Variants in TRIM14 observed in about 807,000 individuals in gnomAD.
TRIM14 encodes the protein tripartite motif-containing protein 14.
In TRIM14, 28 loss-of-function variants were observed where a neutral mutation model predicts 44.5. The observed-to-expected ratio is 0.63, with a 90% CI of 0.47 to 0.86. The LOEUF (loss-of-function observed/expected upper bound fraction) is 0.86, where lower values mean the gene tolerates loss of function less well. TRIM14 is among the 40% of genes least tolerant of loss of function. TRIM14 has a pLI of 0.00. For synonymous variants in TRIM14, 299 were observed against 269.2 expected (o/e 1.11, Z -1.08); for missense variants, 607 against 611.1 (o/e 0.99, Z 0.07).
Position 98,085,232 on chromosome 9 carries a change from A to G in TRIM14, c.*2238T>C, listed in dbSNP as rs1174224050. 3 of 151,956 alleles carry G rather than the reference A, an allele frequency of 2.0e-5. No individual in the cohort carries two copies. Among genetic ancestry groups the G allele is most frequent in the African/African-American group, 7.3e-5 (3 of 41,306 alleles). 9.4% of individuals were successfully genotyped at this position (151,956 alleles called of 1,614,324 possible). A position where few individuals can be genotyped will look rare whatever the true frequency, so the allele number is the denominator to read the frequency against. On this transcript the variant is annotated 3_prime_UTR_variant, in exon 6 of 6. Transcript: ENST00000341469. ...CACGAGAGGGGCCAGAGCACCAGGCACTGGCCAGAGACCAGCTGCATTCAC... is the reference window on the plus strand; with the variant it reads ...CACGAGAGGGGCCAGAGCACCAGGCGCTGGCCAGAGACCAGCTGCATTCAC...
intron 2 of TRIM14, 134 bp from the exon 3 acceptor site, chr9:98,100,298 A>G: frequency 1.4e-6 from 1 of 732,550 alleles, no homozygotes; most frequent in Non-Finnish European, 2.3e-6. Flanking sequence ...ATCAACTTAT[A>G]AAAACCAAAG....
At chr9:98,098,464 C>A (rs1023845822) in intron 3 of TRIM14, among the ~76,000 whole-genome samples, 6 of 152,130 alleles carry the variant, frequency 3.9e-5, no homozygotes, top group Non-Finnish European at 8.8e-5. Flanking sequence ...GTAATCCCAG[C>A]ACTTTGAGGG....
At chr9:98,036,875 G>C in the TRIM14 span, among the ~76,000 whole-genome samples, 2 of 152,210 alleles carry the variant, frequency 1.3e-5, no homozygotes, top group African/African-American at 4.8e-5. Context: ...TCCATGCCCT[G>C]ATCCCCTGGC....
chr9:98,112,754 C>T lies in TRIM14; in HGVS notation c.208-2770G>A, dbSNP rs189095079. ...TGGAGGTTGCAGTGAGCAGAGATTG[C>T]GCCATTGCACTCCAGCCTGAGTGAC... is the stretch of plus-strand genomic sequence containing the variant. On this transcript the variant is annotated intron_variant, in intron 1 of 5. Coordinates refer to ENST00000341469, the MANE Select transcript of TRIM14 (RefSeq NM_014788.4). 5.2e-3 allele frequency among the ~76,000 whole-genome samples: 719 copies of T among 138,960 alleles called. 4 individuals are homozygous for T. Among genetic ancestry groups the T allele is most frequent in the African/African-American group, 0.018 (668 of 36,586 alleles). The allele number at this position is 138,960 out of a possible 152,430, so 91.2% of individuals were successfully genotyped here.
chr9:98,066,163 C>T (rs1157116559), downstream of TRIM14, among the ~76,000 whole-genome samples: 1 of 152,132 alleles, frequency 6.6e-6, no homozygotes, highest in African/African-American at 2.4e-5. Context: ...GTTATGTGTG[C>T]ATTTCATTGC....
chr9:98,093,321 G>A (rs770233684), intron 4 of TRIM14, among the ~76,000 whole-genome samples: 15 of 152,130 alleles, frequency 9.9e-5, no homozygotes, highest in Admixed American at 5.2e-4. Context: ...TCCCCCAGAC[G>A]TAACAGCAGC....
At chr9:98,054,238 A>G in the TRIM14 span, among the ~76,000 whole-genome samples, 65 of 152,242 alleles carry the variant, frequency 4.3e-4, no homozygotes, top group African/African-American at 1.5e-3. Context: ...GATCCCCTCC[A>G]CATATACAAA....
chr9:98,097,307 T>C (rs960088475), intron 3 of TRIM14, among the ~76,000 whole-genome samples: 1 of 152,110 alleles, frequency 6.6e-6, no homozygotes, highest in African/African-American at 2.4e-5. Context: ...CAGCTGTGTC[T>C]CTCAATCCCC....
At chr9:98,048,634 G>A in the TRIM14 span, among the ~76,000 whole-genome samples, 1 of 152,328 alleles carries the variant, frequency 6.6e-6, no homozygotes, top group East Asian at 1.9e-4. Context: ...GTAAAATAAA[G>A]ATATTTAGTC....
chr9:98,070,488 T>A (rs2131635464), intron 6 of TRIM14, among the ~76,000 whole-genome samples: 1 of 152,230 alleles, frequency 6.6e-6, no homozygotes, highest in East Asian at 1.9e-4. Flanking sequence ...TGGCGTGATC[T>A]TGGCTCACTG....
chr9:98,097,759 G>C (rs1450900533), intron 3 of TRIM14, among the ~76,000 whole-genome samples: 1 of 152,048 alleles, frequency 6.6e-6, no homozygotes, highest in Non-Finnish European at 1.5e-5. Context: ...GAAAAAAAAA[G>C]ATGACAAAGC....
At chr9:98,041,478 C>T in the TRIM14 span, among the ~76,000 whole-genome samples, 1 of 151,328 alleles carries the variant, frequency 6.6e-6, no homozygotes, top group East Asian at 1.9e-4. Context: ...AGCCACCTCA[C>T]CCAGCAATAA....
At position 98,069,843 on chromosome 9, in the gene TRIM14, T is replaced by C. The variant is rs1378324754; in HGVS notation, c.*29-156A>G. On this transcript the variant is annotated intron_variant, in intron 6 of 6. Transcript: ENST00000375098. ...TATGGTGACCGTGGCAGTGCTCACA[T>C]GAGTCTGTGCATGGGGTAAAATTGC... Among the ~76,000 whole-genome samples, 6 of 152,280 alleles carry C rather than the reference T, an allele frequency of 3.9e-5. No homozygotes were observed. In the East Asian group the frequency reaches 1.2e-3, roughly 29 times the overall value.
At position 98,095,109 on chromosome 9, in the gene TRIM14, A is replaced by C; in HGVS notation, c.538-80T>G. The C allele has an allele frequency of 6.6e-7, 1 of 1,506,204 alleles. No individual in the cohort carries two copies. The highest frequency in any genetic ancestry group is 1.4e-5 in the African/African-American group (1 of 72,510). The allele number at this position is 1,506,204 out of a possible 1,614,324, so 93.3% of individuals were successfully genotyped here. On this transcript the variant is annotated intron_variant, in intron 3 of 5. Transcript: ENST00000341469. The surrounding 1 kb of genome is among the most constrained non-coding windows in gnomAD (Gnocchi z 4.1). ...GCCTCCTGTGCTGCACCCAGGAACA[A>C]ACCCACACCAGCATGCCCAGGCTCC...
the TRIM14 span, among the ~76,000 whole-genome samples, chr9:98,053,404 A>G: frequency 1.3e-5 from 2 of 152,192 alleles, no homozygotes; most frequent in Non-Finnish European, 2.9e-5. Context: ...TATTGGTTTC[A>G]GGGACTCACA....
intron 5 of TRIM14, among the ~76,000 whole-genome samples, chr9:98,089,509 C>T (rs1046589080): frequency 2.6e-5 from 4 of 152,154 alleles, no homozygotes; most frequent in South Asian, 4.1e-4. Flanking sequence ...TAATTATAAC[C>T]ATTACCTTCC....
At chr9:98,043,659 G>C in the TRIM14 span, among the ~76,000 whole-genome samples, 56,011 of 151,118 alleles carry the variant, frequency 0.37, 12,483 homozygotes, top group African/African-American at 0.63. Flanking sequence ...CACACACACA[G>C]AGAGAGATCC....
downstream of TRIM14, chr9:98,083,221 C>T: frequency 4.4e-6 from 3 of 676,068 alleles, no homozygotes; most frequent in South Asian, 5.8e-5. Flanking sequence ...TGTCAGCCCA[C>T]TGGAGACAGA....
In TRIM14 at chr9:98,078,362, G is replaced by A. The variant is rs1208562322; in HGVS notation, c.*29-8675C>T. On this transcript the variant is annotated intron_variant, in intron 6 of 6. Coordinates refer to the TRIM14 transcript ENST00000375098. The stretch of plus-strand genomic sequence containing the variant: ...GGGTCATCTCGGTGAGCAGGAGGGA[G>A]GGGGTTCCCTTCTTGGGCCATTTAC... 6.2e-7 allele frequency: 1 copy of A among 1,611,444 alleles called. No individual in the cohort carries two copies. The highest frequency in any genetic ancestry group is 8.5e-7 in the Non-Finnish European group (1 of 1,178,604).
Sources: gnomAD v4.1 joint callset for allele counts (sites outside exome capture counted in the v4.1 genomes callset) on GRCh38, gnomAD v4.1.1 for gene constraint, Gnocchi (gnomAD v3.1) non-coding constraint, MANE v1.5 for transcripts, NCBI Gene and HGNC (gene_info 2026-07-23, HGNC 2026-07-21) for gene names.